The following NEK5 variants were observed in gnomAD, a reference collection of about 807,000 sequenced individuals.
NEK5 encodes the protein NIMA related kinase 5, also known as serine/threonine-protein kinase Nek5.
Under a neutral mutation model 109.2 loss-of-function variants are expected in NEK5, and 88 were observed. The observed-to-expected ratio is 0.81, with a 90% CI of 0.68 to 0.96. NEK5 has a LOEUF of 0.96. NEK5 is among the 40% of genes least tolerant of loss of function. NEK5 has a pLI of 0.00. For missense variants in NEK5, 834 were observed against 920.7 expected, an observed-to-expected ratio of 0.91 and a Z score of 1.22; for synonymous variants, 283 against 299.9, an observed-to-expected ratio of 0.94 and a Z score of 0.58.
chr13:52,050,720 CTTT>C (rs772811272), intron 22 of NEK5, among the ~76,000 whole-genome samples: 7 of 99,930 alleles, frequency 7.0e-5, no homozygotes, highest in Admixed American at 2.2e-4. Context: ...TTGTTTTTTT[CTTT>C]TTTTTTTTTT....
rs74087058 is a variant in NEK5 at position 52,104,352 on chromosome 13, A to G, written c.609+146T>C. ...TATAATATTGCTTGGACAGCTTTCC[A>G]TGTCATCTATCATTATTTTAAGTAG... On this transcript the variant is annotated intron_variant, in intron 9 of 23. Coordinates refer to ENST00000684899, the MANE Select transcript of NEK5 (RefSeq NM_001365552.1). The G allele has an allele frequency of 3.6e-5, 25 of 702,654 alleles. No homozygotes were observed. The African/African-American group carries it at 4.3e-4, about 12-fold the overall frequency. The allele number at this position is 702,654 out of a possible 1,614,324, so 43.5% of individuals were successfully genotyped here.
intron 23 of NEK5, among the ~76,000 whole-genome samples, chr13:52,043,911 G>A (rs2140892790): frequency 6.6e-6 from 1 of 152,314 alleles, no homozygotes; most frequent in Non-Finnish European, 1.5e-5. Context: ...GGTTTATACA[G>A]AGTGTCAACT....
intron 15 of NEK5, among the ~76,000 whole-genome samples, chr13:52,087,050 C>A (rs558838166): frequency 6.6e-6 from 1 of 152,300 alleles, no homozygotes; most frequent in Admixed American, 6.5e-5. Flanking sequence ...GTTAAGCCAC[C>A]TAGTTTGTTG....
intron 3 of NEK5, 135 bp from the exon 4 acceptor site, chr13:52,119,550 G>C: frequency 2.0e-6 from 1 of 503,962 alleles, no homozygotes; most frequent in Admixed American, 3.1e-5. Flanking sequence ...TCTTTCAATG[G>C]CAGGAAACAA....
intron 8 of NEK5, among the ~76,000 whole-genome samples, chr13:52,106,163 G>C (rs1023379921): frequency 6.8e-5 from 10 of 147,394 alleles, no homozygotes; most frequent in African/African-American, 2.5e-4. Context: ...AAACTCCTTG[G>C]TGCCAGGGGA....
At chr13:52,110,638 T>C (rs941321995) in intron 5 of NEK5, 61 bp from the exon 6 acceptor site, 1 of 939,186 alleles carries the variant, frequency 1.1e-6, no homozygotes, top group Non-Finnish European at 1.7e-6. Flanking sequence ...AATGTCTTCA[T>C]GGTAACATGC....
intron 16 of NEK5, among the ~76,000 whole-genome samples, chr13:52,084,340 C>G (rs939591750): frequency 1.3e-5 from 2 of 152,050 alleles, no homozygotes; most frequent in African/African-American, 4.8e-5. Context: ...AACTCAGCCT[C>G]CTGAGTAGCT....
At chr13:52,097,983 T>C (rs779347873) in intron 12 of NEK5, among the ~76,000 whole-genome samples, 1 of 152,178 alleles carries the variant, frequency 6.6e-6, no homozygotes, top group Non-Finnish European at 1.5e-5. Context: ...TTTACAAGTG[T>C]GTAGCACCTC....
intron 21 of NEK5, among the ~76,000 whole-genome samples, chr13:52,064,597 G>A (rs566170564): frequency 4.6e-5 from 7 of 151,978 alleles, no homozygotes; most frequent in Admixed American, 2.0e-4. Flanking sequence ...CCCTCTGCCC[G>A]GCCACCACCC....
At chr13:52,056,376 TA>T (rs1345193115) in intron 22 of NEK5, among the ~76,000 whole-genome samples, 1 of 151,824 alleles carries the variant, frequency 6.6e-6, no homozygotes, top group Non-Finnish European at 1.5e-5. Context: ...CTGTCAACAT[TA>T]GACAGATCAA....
In NEK5 at chr13:52,056,749, C is replaced by T. The variant is rs993543804; in HGVS notation, c.2110+5070G>A. On this transcript the variant is annotated intron_variant, in intron 22 of 23. Transcript: ENST00000684899. ...AAATAAAGATGTTCTTTGAACCCAA[C>T]GAGAACAAAGATACAACATACCAGA... 3.2e-4 allele frequency among the ~76,000 whole-genome samples: 48 copies of T among 151,630 alleles called. No homozygotes were observed. In the South Asian group the frequency reaches 5.7e-3, roughly 18 times the overall value.
chr13:52,037,199 CT>C lies in NEK5; in HGVS notation c.2247del (p.Asp750MetfsTer3), dbSNP rs1354712348. 1.0e-6 allele frequency: 1 copy of C among 984,006 alleles called. No individual in the cohort carries two copies. The highest frequency in any genetic ancestry group is 1.2e-6 in the Non-Finnish European group (1 of 828,786). The allele number at this position is 984,006 out of a possible 1,614,324, so 61.0% of individuals were successfully genotyped here. ...TCTACTACTTCATCTCTCAACTCAT[CT>C]TCAGATTCTTCAAAATTTCTGAAAT... ...DDDDTNFEES[E>X]DELRDEVVEY... is the part of the protein sequence containing the mutation. On this transcript the variant is annotated frameshift_variant, in exon 24 of 24. Coordinates refer to ENST00000684899, the MANE Select transcript of NEK5 (RefSeq NM_001365552.1). LOFTEE classifies it high-confidence loss of function.
chr13:52,079,569 C>G (rs947405104), intron 17 of NEK5, among the ~76,000 whole-genome samples: 1 of 152,278 alleles, frequency 6.6e-6, no homozygotes, highest in Admixed American at 6.5e-5. Context: ...CCCGAGGTGC[C>G]GGGATTGCAG....
chr13:52,110,665 T>TACACAC, intron 5 of NEK5, 88 bp from the exon 6 acceptor site: 2 of 656,018 alleles, frequency 3.0e-6, no homozygotes. Context: ...ATAGAAATTA[T>TACACAC]ACACACACAC....
Position 52,112,349 on chromosome 13 carries a change from A to C in NEK5, c.231T>G (p.Phe77Leu), listed in dbSNP as rs1221052367. 1 of 1,603,012 alleles carries C rather than the reference A, an allele frequency of 6.2e-7. No individual in the cohort carries two copies. Among genetic ancestry groups the C allele is most frequent in the South Asian group, 1.1e-5 (1 of 90,736 alleles). The change falls in exon 5 of 24, where the codon TTT (phenylalanine) becomes TTG (leucine). Residue 77 changes from phenylalanine (F) to leucine (L), a missense_variant. This residue lies in a region of NEK5 where 777 missense variants were observed against 824.7 expected (regional missense o/e 0.94). Coordinates refer to ENST00000684899, the MANE Select transcript of NEK5 (RefSeq NM_001365552.1). The part of the protein sequence containing the change: ...FNSFQENGRL[F>L]IVMEYCDGGD... ...CTCCATCACAATATTCCATTACAAT[A>C]AACAGCCTGCCATTCTCTGTAAGAA...
intron 4 of NEK5, among the ~76,000 whole-genome samples, chr13:52,115,775 C>A (rs1955846001): frequency 6.6e-6 from 1 of 152,090 alleles, no homozygotes; most frequent in Non-Finnish European, 1.5e-5. Flanking sequence ...TCATGGATCA[C>A]TGACACTTCA....
intron 19 of NEK5, among the ~76,000 whole-genome samples, chr13:52,074,937 C>T (rs149279399): frequency 2.5e-4 from 38 of 152,260 alleles, no homozygotes; most frequent in Admixed American, 1.2e-3. Flanking sequence ...CCATCTCACA[C>T]GAGTCAGAAT....
chr13:52,118,123 T>G (rs1955897311), intron 4 of NEK5, among the ~76,000 whole-genome samples: 1 of 152,208 alleles, frequency 6.6e-6, no homozygotes, highest in South Asian at 2.1e-4. Flanking sequence ...GCGGTTTTAA[T>G]CAGTAAGGAA....
chr13:52,092,904 A>T, intron 13 of NEK5, 150 bp downstream of exon 13: 1 of 567,580 alleles, frequency 1.8e-6, no homozygotes, highest in Non-Finnish European at 3.0e-6. Context: ...CAAAAGAAAA[A>T]GGTCAAGGGA....
Sources: allele counts gnomAD v4.1 joint callset (sites outside exome capture counted in the v4.1 genomes callset), GRCh38; gene constraint gnomAD v4.1.1; regional missense constraint gnomAD v4.1.1; transcripts MANE v1.5; gene names NCBI Gene and HGNC (gene_info 2026-07-23, HGNC 2026-07-21).